MTMR3: variants seen among roughly 807,000 people sequenced by gnomAD.
MTMR3 encodes the protein phosphatidylinositol-3,5-bisphosphate 3-phosphatase MTMR3.
In MTMR3, 32 loss-of-function variants were observed where a neutral mutation model predicts 132.4. That is an observed-to-expected ratio of 0.24 (90% CI 0.18 to 0.32). The LOEUF is 0.32. MTMR3 is among the 10% of genes least tolerant of loss of function. The pLI, the probability that MTMR3 is intolerant of heterozygous loss-of-function variation, is 1.00. For missense variants in MTMR3, 1,216 were observed against 1,489.6 expected (o/e 0.82, Z 3.02); for synonymous variants, 556 against 550.3 (o/e 1.01, Z -0.14).
At chr22:29,893,629 C>T (rs543973811) in intron 1 of MTMR3, among the ~76,000 whole-genome samples, 5 of 151,872 alleles carry the variant, frequency 3.3e-5, no homozygotes, top group South Asian at 2.1e-4. Flanking sequence ...TGCTACTTCC[C>T]GCTTGTTCTG....
chr22:29,921,798 G>A (rs2065419469), intron 1 of MTMR3, among the ~76,000 whole-genome samples: 1 of 150,850 alleles, frequency 6.6e-6, no homozygotes, highest in Non-Finnish European at 1.5e-5. Context: ...TTCTATGACT[G>A]GCTTATTTCA....
At chr22:29,974,541 AGTT>A (rs2066595180) in intron 3 of MTMR3, among the ~76,000 whole-genome samples, 2 of 152,222 alleles carry the variant, frequency 1.3e-5, no homozygotes, top group African/African-American at 4.8e-5. Flanking sequence ...CCTAATTCTC[AGTT>A]GTTTTATGTT....
chr22:29,892,409 A>T (rs9625873), intron 1 of MTMR3, among the ~76,000 whole-genome samples: 31,403 of 152,036 alleles, frequency 0.21, 3,823 homozygotes, highest in Middle Eastern at 0.38. Flanking sequence ...GTTTTTTAAG[A>T]GTTAGGTCCT....
At chr22:30,008,771 A>C (rs2067335080) in intron 11 of MTMR3, 1 of 396,988 alleles carries the variant, frequency 2.5e-6, no homozygotes, top group Non-Finnish European at 4.5e-6. Context: ...AATAGCTTTT[A>C]TTTTATGTCA....
chr22:29,890,428 G>C (rs1307782983), intron 1 of MTMR3, among the ~76,000 whole-genome samples: 1 of 151,942 alleles, frequency 6.6e-6, no homozygotes, highest in Admixed American at 6.6e-5. Context: ...GAGGCACAGA[G>C]AATCACTTGA....
intron 8 of MTMR3, chr22:30,001,843 T>G (rs1601402663): frequency 6.6e-6 from 1 of 152,222 alleles, no homozygotes; most frequent in Non-Finnish European, 1.5e-5. Flanking sequence ...GTTCAGTGGC[T>G]TTTAAATTCC....
At chr22:29,964,547 T>C (rs1209642246) in intron 2 of MTMR3, among the ~76,000 whole-genome samples, 4 of 152,194 alleles carry the variant, frequency 2.6e-5, no homozygotes, top group Non-Finnish European at 4.4e-5. Context: ...TTTTAACTAT[T>C]TCTTGTCTCC....
chr22:30,019,542 C>T lies in MTMR3; in HGVS notation c.1883C>T (p.Ala628Val), dbSNP rs375780151. 1.7e-5 allele frequency: 27 copies of T among 1,612,358 alleles called. No homozygotes were observed. The East Asian group carries it at 2.4e-4, about 15-fold the overall frequency. Residue 628 changes from alanine to valine, a missense_variant, in exon 17 of 20, where the codon GCC becomes GTC. Around this residue, in one of 7 missense-constraint regions of MTMR3, gnomAD observed 852 missense variants for 852.0 expected, o/e 1.00. Coordinates refer to ENST00000401950, the MANE Select transcript of MTMR3 (RefSeq NM_021090.4). ...TTACDNTVPLASRRCSDPSLN... is the reference protein window; with the variant it reads ...TTACDNTVPLVSRRCSDPSLN... ...GCCTGTGACAACACAGTGCCTCTGGCCAGCCGGCGCTGCAGCGACCCCAGC... is the reference window on the plus strand; with the variant it reads ...GCCTGTGACAACACAGTGCCTCTGGTCAGCCGGCGCTGCAGCGACCCCAGC...
intron 1 of MTMR3, among the ~76,000 whole-genome samples, chr22:29,953,393 T>A (rs1467717700): frequency 1.3e-5 from 2 of 152,160 alleles, no homozygotes; most frequent in Non-Finnish European, 2.9e-5. Context: ...CTCTTTGCCC[T>A]TGTTGAAGCT....
At chr22:29,945,718 G>GAAAAAAAA (rs67054738) in intron 1 of MTMR3, among the ~76,000 whole-genome samples, 4 of 124,382 alleles carry the variant, frequency 3.2e-5, no homozygotes, top group African/African-American at 1.1e-4. Flanking sequence ...AAATGAAAAA[G>GAAAAAAAA]AAAAAAAAAA....
intron 11 of MTMR3, chr22:30,008,355 T>C: frequency 4.3e-6 from 1 of 234,584 alleles, no homozygotes; most frequent in Non-Finnish European, 8.5e-6. Flanking sequence ...CTCAGCCGTC[T>C]AAAAGCTTTT....
chr22:29,945,935 G>C (rs2065943779), intron 1 of MTMR3, among the ~76,000 whole-genome samples: 1 of 152,010 alleles, frequency 6.6e-6, no homozygotes, highest in South Asian at 2.1e-4. Context: ...TTCTATTGAA[G>C]GACTACGACA....
At chr22:29,953,029 C>T (rs550331005) in intron 1 of MTMR3, among the ~76,000 whole-genome samples, 1 of 152,234 alleles carries the variant, frequency 6.6e-6, no homozygotes, top group East Asian at 1.9e-4. Context: ...ACTGCCTCTA[C>T]ACTCAAATTT....
rs111930581 is a variant in MTMR3, at chr22:29,962,172, A to G, written c.-85+5084A>G. Among the ~76,000 whole-genome samples the G allele has an allele frequency of 5.3e-3, 815 of 152,374 alleles. 6 individuals are homozygous for G. Among genetic ancestry groups the G allele is most frequent in the African/African-American group, 0.018 (761 of 41,588 alleles). Reference sequence around the variant, plus strand: ...TAACAGTTGCTATATTTACATGTAGATGAACTAAAGGGCAGTAAGGAGTGA... The same window carrying G: ...TAACAGTTGCTATATTTACATGTAGGTGAACTAAAGGGCAGTAAGGAGTGA... On this transcript the variant is annotated intron_variant, in intron 2 of 19. Coordinates refer to ENST00000401950, the MANE Select transcript of MTMR3 (RefSeq NM_021090.4).
At chr22:29,998,172 T>G (rs1366639781) in intron 7 of MTMR3, 1 of 152,246 alleles carries the variant, frequency 6.6e-6, no homozygotes, top group Non-Finnish European at 1.5e-5. Context: ...ATTTTGTCCT[T>G]TGTAAAATGA....
chr22:30,019,517 G>A lies in MTMR3; in HGVS notation c.1858G>A (p.Ala620Thr). 1 of 1,610,014 alleles carries A rather than the reference G, an allele frequency of 6.2e-7. No homozygotes were observed. ...KTRSYDNLTT[A>T]CDNTVPLASR... ...TAGATCATACGACAATCTGACCACAGCCTGTGACAACACAGTGCCTCTGGC... is the reference window on the plus strand; with the variant it reads ...TAGATCATACGACAATCTGACCACAACCTGTGACAACACAGTGCCTCTGGC... The change falls in exon 17 of 20, where the codon GCC becomes ACC. Residue 620 changes from alanine (A) to threonine (T), a missense_variant. Around this residue, in one of 7 missense-constraint regions of MTMR3, gnomAD observed 852 missense variants for 852.0 expected, o/e 1.00. Coordinates refer to ENST00000401950, the MANE Select transcript of MTMR3 (RefSeq NM_021090.4).
intron 2 of MTMR3, among the ~76,000 whole-genome samples, chr22:29,961,037 A>G (rs1162790854): frequency 2.0e-5 from 3 of 152,202 alleles, no homozygotes; most frequent in African/African-American, 7.2e-5. Context: ...TGGAATTAAT[A>G]CAGACAATGC....
chr22:29,887,617 C>T (rs1287359406), intron 1 of MTMR3, among the ~76,000 whole-genome samples: 1 of 152,194 alleles, frequency 6.6e-6, no homozygotes, highest in African/African-American at 2.4e-5. Flanking sequence ...GCAGGGACTT[C>T]AGAGGAACCT....
intron 13 of MTMR3, 200 bp from the exon 14 acceptor site, chr22:30,013,156 T>C: frequency 2.2e-6 from 1 of 445,752 alleles, no homozygotes; most frequent in Non-Finnish European, 4.0e-6. Flanking sequence ...ATTTTAGTGA[T>C]CATGGAATGG....
Sources: gnomAD v4.1 joint callset for allele counts (sites outside exome capture counted in the v4.1 genomes callset) on GRCh38, gnomAD v4.1.1 for gene constraint, gnomAD v4.1.1 regional missense constraint, MANE v1.5 for transcripts, NCBI Gene and HGNC (gene_info 2026-07-23, HGNC 2026-07-21) for gene names.